LRP6: variants seen among roughly 807,000 people sequenced by gnomAD.
LRP6 encodes low-density lipoprotein receptor-related protein 6.
In LRP6, 43 loss-of-function variants were observed where a neutral mutation model predicts 184.1. The ratio of observed to expected loss-of-function variants is 0.23; its 90% CI spans 0.18 to 0.30. LRP6 has a LOEUF of 0.30. LRP6 is among the 10% of genes least tolerant of loss of function. The pLI is 1.00. For missense variants in LRP6, 1,571 were observed against 2,005.3 expected, an observed-to-expected ratio of 0.78 and a Z score of 4.14; for synonymous variants, 719 against 684.9, an observed-to-expected ratio of 1.05 and a Z score of -0.78.
rs60642593 is a variant in LRP6, at chr12:12,161,952, T to TTTGA, written c.2279+240_2279+241insTCAA. Among the ~76,000 whole-genome samples, 148,462 of 152,114 alleles carry TTTGA rather than the reference T, an allele frequency of 0.98. 72,482 individuals are homozygous for TTTGA. Among genetic ancestry groups the TTTGA allele is most frequent in the East Asian group, 1 (5,166 of 5,166 alleles). ...CATATCAGTATACTCATCAGTAACA[T>TTTGA]TTATTAACCCATTCCCCTCTTTCTT... On this transcript the variant is annotated intron_variant, in intron 10 of 22. Transcript: ENST00000261349.
intron 12 of LRP6, 131 bp from the exon 13 acceptor site, chr12:12,151,169 C>G: frequency 1.2e-6 from 1 of 857,048 alleles, no homozygotes; most frequent in Non-Finnish European, 1.9e-6. Flanking sequence ...AGGCTGAGGA[C>G]AAAATTCTTT....
chr12:12,190,347 G>A (rs1335298179), intron 3 of LRP6, among the ~76,000 whole-genome samples: 1 of 152,132 alleles, frequency 6.6e-6, no homozygotes, highest in African/African-American at 2.4e-5. Context: ...TTCCTCAATA[G>A]TAGGTCACAA....
At chr12:12,200,219 C>G (rs1485444668) in intron 3 of LRP6, among the ~76,000 whole-genome samples, 4 of 152,160 alleles carry the variant, frequency 2.6e-5, no homozygotes, top group Non-Finnish European at 5.9e-5. Flanking sequence ...TACTCATTAT[C>G]TGTGTTTCCA....
At chr12:12,253,306 T>C (rs1865370809) in intron 1 of LRP6, among the ~76,000 whole-genome samples, 1 of 152,178 alleles carries the variant, frequency 6.6e-6, no homozygotes, top group Admixed American at 6.5e-5. Context: ...CGCTTATAGA[T>C]ATGCTTTTGT....
At chr12:12,224,978 G>A (rs1260978456) in intron 2 of LRP6, among the ~76,000 whole-genome samples, 1 of 152,208 alleles carries the variant, frequency 6.6e-6, no homozygotes, top group African/African-American at 2.4e-5. Flanking sequence ...GCCCAGGCAG[G>A]CGGATCACCT....
chr12:12,196,203 A>ATTTTTTT (rs138570486), intron 3 of LRP6, among the ~76,000 whole-genome samples: 1 of 142,072 alleles, frequency 7.0e-6, no homozygotes, highest in Non-Finnish European at 1.5e-5. Flanking sequence ...AAATTTTAGG[A>ATTTTTTT]TTTTTTTTTT....
chr12:12,166,418 G>A (rs1862879496), intron 7 of LRP6, among the ~76,000 whole-genome samples: 2 of 152,022 alleles, frequency 1.3e-5, no homozygotes, highest in Non-Finnish European at 2.9e-5. Flanking sequence ...TTCTATTAGG[G>A]AGCACCCAAC....
At chr12:12,128,457 A>G (rs575283185) in intron 19 of LRP6, among the ~76,000 whole-genome samples, 34 of 152,252 alleles carry the variant, frequency 2.2e-4, no homozygotes, top group Admixed American at 1.6e-3. Context: ...TCAATAAACT[A>G]ATGAGCACCA....
intron 8 of LRP6, among the ~76,000 whole-genome samples, chr12:12,164,846 A>G (rs1038874498): frequency 1.4e-5 from 2 of 139,550 alleles, no homozygotes; most frequent in Non-Finnish European, 3.0e-5. Context: ...GTGCCTGTGC[A>G]TGTGTATTCA....
chr12:12,208,875 A>T (rs1291522377), intron 2 of LRP6, among the ~76,000 whole-genome samples: 1 of 152,220 alleles, frequency 6.6e-6, no homozygotes, highest in African/African-American at 2.4e-5. Flanking sequence ...TCTCCTCAGG[A>T]TATCTTTAAT....
chr12:12,183,501 T>C (rs945649290), intron 5 of LRP6, among the ~76,000 whole-genome samples: 3 of 152,216 alleles, frequency 2.0e-5, no homozygotes, highest in Non-Finnish European at 4.4e-5. Context: ...ATGGATTTTT[T>C]TTCCCAGCTC....
rs139438447 is a variant in LRP6 at position 12,263,607 on chromosome 12, C to T, written c.55+3074G>A. ...CCTGTAATCCCAGAACTCCGAGAGG[C>T]GGAGGTGGGAGGATCACTTGAGCCC... On this transcript the variant is annotated intron_variant, in intron 1 of 22. Coordinates refer to ENST00000261349, the MANE Select transcript of LRP6 (RefSeq NM_002336.3). Among the ~76,000 whole-genome samples, 901 of 150,128 alleles carry T rather than the reference C, an allele frequency of 6.0e-3. 4 individuals are homozygous for T. The highest frequency in any genetic ancestry group is 9.8e-3 in the Non-Finnish European group (666 of 67,810).
intron 19 of LRP6, 101 bp downstream of exon 19, chr12:12,130,675 ATACTTAT>A (rs1201539398): frequency 5.5e-6 from 4 of 724,866 alleles, no homozygotes; most frequent in South Asian, 3.1e-5. Context: ...CTTAATATTA[ATACTTAT>A]TACTTAGAAA....
chr12:12,182,188 T>C (rs1863360473), intron 5 of LRP6, among the ~76,000 whole-genome samples: 1 of 152,210 alleles, frequency 6.6e-6, no homozygotes, highest in African/African-American at 2.4e-5. Context: ...TTTCCCCATC[T>C]ATACCTTGTA....
intron 3 of LRP6, chr12:12,187,403 T>C: frequency 2.3e-6 from 1 of 434,792 alleles, no homozygotes; most frequent in Admixed American, 3.5e-5. Flanking sequence ...AGCACTGCTT[T>C]TTCATTGTTT....
At chr12:12,254,355 G>A (rs1362817401) in intron 1 of LRP6, among the ~76,000 whole-genome samples, 2 of 152,018 alleles carry the variant, frequency 1.3e-5, no homozygotes, top group Non-Finnish European at 2.9e-5. Context: ...ACATAGGACT[G>A]AATAAACTGA....
chr12:12,218,374 G>A (rs1238140089), intron 2 of LRP6, among the ~76,000 whole-genome samples: 2 of 151,770 alleles, frequency 1.3e-5, no homozygotes, highest in Admixed American at 6.6e-5. Flanking sequence ...CTACTCAGGA[G>A]GCTAAAATGG....
chr12:12,166,126 C>A (rs1862872386), intron 7 of LRP6, among the ~76,000 whole-genome samples: 1 of 152,032 alleles, frequency 6.6e-6, no homozygotes, highest in African/African-American at 2.4e-5. Flanking sequence ...GGGGTAGGAG[C>A]AGATATTGTT....
At chr12:12,131,734 C>A (rs1224197422) in intron 18 of LRP6, 87 bp downstream of exon 18, 9 of 1,092,524 alleles carry the variant, frequency 8.2e-6, no homozygotes, top group African/African-American at 1.5e-5. Context: ...AAAACCCCAA[C>A]TGACACTAAG....
Sources: gnomAD v4.1 joint callset for allele counts (sites outside exome capture counted in the v4.1 genomes callset) on GRCh38, gnomAD v4.1.1 for gene constraint, MANE v1.5 for transcripts, NCBI Gene and HGNC (gene_info 2026-07-23, HGNC 2026-07-21) for gene names.